The following ZNF721 variants were observed in gnomAD, a reference collection of about 807,000 sequenced individuals.
ZNF721 encodes zinc finger protein 721.
ZNF721 carries 2 observed loss-of-function variants against 2.4 expected under a neutral mutation model. The observed-to-expected ratio is 0.82, with a 90% CI of 0.34 to 2.58. The LOEUF (loss-of-function observed/expected upper bound fraction) is 2.58, where lower values mean the gene tolerates loss of function less well. Among genes scored for constraint, ZNF721 ranks in the 30% most tolerant of loss-of-function variants. The probability of loss-of-function intolerance (pLI) is 0.11; values close to 1 mark genes in which losing one functional copy is unlikely to be tolerated. For synonymous variants in ZNF721, 398 were observed against 381.8 expected (o/e 1.04, Z -0.50); for missense variants, 1,187 against 1,085.5 (o/e 1.09, Z -1.31).
At position 472,610 on chromosome 4, in the gene ZNF721, A is replaced by T; in HGVS notation, c.-2T>A. ...CAGGTTTCTGTAGTTCTCCAACATC[A>T]CATCTCTATACAAATTCTGCTGGGC... On this transcript the variant is annotated 5_prime_UTR_variant, in exon 2 of 3. Coordinates refer to ENST00000511833, the MANE Select transcript of ZNF721 (RefSeq NM_133474.4). 1 of 1,613,916 alleles carries T rather than the reference A, an allele frequency of 6.2e-7. No individual in the cohort carries two copies. The highest frequency in any genetic ancestry group is 1.1e-5 in the South Asian group (1 of 91,048).
At chr4:452,216 T>G (rs375958528) in intron 2 of ZNF721, among the ~76,000 whole-genome samples, 5 of 152,158 alleles carry the variant, frequency 3.3e-5, no homozygotes, top group Non-Finnish European at 5.9e-5. Context: ...ACTGAAGAAC[T>G]AGTCGGCTGG....
At chr4:453,435 ATC>A (rs1180115197) in intron 2 of ZNF721, 1 of 152,238 alleles carries the variant, frequency 6.6e-6, no homozygotes, top group East Asian at 1.9e-4. Context: ...ATGCTCATGC[ATC>A]TCTGTTTTCT....
At chr4:488,685 C>T (rs1419997496) in intron 1 of ZNF721, among the ~76,000 whole-genome samples, 1 of 152,040 alleles carries the variant, frequency 6.6e-6, no homozygotes, top group African/African-American at 2.4e-5. Flanking sequence ...CAAAAATTAG[C>T]TGGGTGTGGT....
chr4:442,192 C>T lies in ZNF721; in HGVS notation c.2275G>A (p.Gly759Arg). Residue 759 changes from glycine (G) to arginine (R), a missense_variant, in exon 3 of 3, where the codon GGG (glycine) becomes AGG (arginine). By Grantham distance (125) the Gly-to-Arg change is moderately radical. Transcript: ENST00000511833. ...GDKLYKCKEC[G>R]KVFKQSSHLN... ...TGTGAGGACTGTTTAAACACTTTCC[C>T]ACATTCTTTACATTTGTAGAGTTTA... 1 of 1,612,144 alleles carries T rather than the reference C, an allele frequency of 6.2e-7. No homozygotes were observed. The highest frequency in any genetic ancestry group is 1.6e-4 in the Middle Eastern group (1 of 6,062).
At chr4:486,439 G>A (rs1392643982) in intron 1 of ZNF721, among the ~76,000 whole-genome samples, 1 of 152,174 alleles carries the variant, frequency 6.6e-6, no homozygotes, top group Non-Finnish European at 1.5e-5. Context: ...TTACAGGCAT[G>A]AGCCACCGCG....
chr4:458,717 G>A (rs1553865688), intron 2 of ZNF721, among the ~76,000 whole-genome samples: 2 of 152,076 alleles, frequency 1.3e-5, no homozygotes, highest in African/African-American at 2.4e-5. Context: ...GTGGTGGCAT[G>A]TACCTGTAGT....
chr4:467,964 G>A lies in ZNF721; in HGVS notation c.34+4611C>T, dbSNP rs577231913. On this transcript the variant is annotated intron_variant, in intron 2 of 2. Transcript: ENST00000511833. Reference sequence around the variant, plus strand: ...AGCCTGGCTAACACAGTGAAACCCCGTCTCTACTAAAAATACAAAAAATTA... The same window carrying A: ...AGCCTGGCTAACACAGTGAAACCCCATCTCTACTAAAAATACAAAAAATTA... Among the ~76,000 whole-genome samples the A allele has an allele frequency of 7.9e-5, 12 of 151,766 alleles. No individual in the cohort carries two copies. In the South Asian group the frequency reaches 2.3e-3, roughly 29 times the overall value.
At chr4:483,950 T>C (rs1715832240) in intron 1 of ZNF721, among the ~76,000 whole-genome samples, 1 of 152,104 alleles carries the variant, frequency 6.6e-6, no homozygotes, top group Admixed American at 6.6e-5. Flanking sequence ...TAGCTGGGAC[T>C]CCAGGGATGT....
Position 443,163 on chromosome 4 carries a change from T to A in ZNF721, c.1304A>T (p.Tyr435Phe). ...TTTATCTCCAGTATGAATTTTCTTA[T>A]ATTCATTCAGGTTTGTGGACAATCC... ...AFGLSTNLNE[Y>F]KKIHTGDKPY... Residue 435 changes from tyrosine (Y) to phenylalanine (F), a missense_variant, in exon 3 of 3, where the codon TAT (tyrosine) becomes TTT (phenylalanine). Coordinates refer to ENST00000511833, the MANE Select transcript of ZNF721 (RefSeq NM_133474.4). The A allele has an allele frequency of 6.2e-7, 1 of 1,613,870 alleles. No homozygotes were observed. The highest frequency in any genetic ancestry group is 8.5e-7 in the Non-Finnish European group (1 of 1,179,858).
chr4:476,987 TCA>T (rs1473380003), intron 1 of ZNF721, among the ~76,000 whole-genome samples: 1 of 152,202 alleles, frequency 6.6e-6, no homozygotes, highest in Non-Finnish European at 1.5e-5. Context: ...TCATGGCATC[TCA>T]TTTTCTTGGG....
intron 1 of ZNF721, among the ~76,000 whole-genome samples, chr4:486,445 C>T (rs550206630): frequency 6.6e-6 from 1 of 152,176 alleles, no homozygotes; most frequent in Non-Finnish European, 1.5e-5. Context: ...GCATGAGCCA[C>T]CGCGCCCGGC....
In ZNF721 at chr4:447,517, C is replaced by CA. The variant is rs542312259; in HGVS notation, c.35-3086dup. Among the ~76,000 whole-genome samples, 1,108 of 151,696 alleles carry CA rather than the reference C, an allele frequency of 7.3e-3. 17 individuals are homozygous for CA. The highest frequency in any genetic ancestry group is 0.024 in the African/African-American group (1,008 of 41,388). ...AAGGGGCAAAAATGAAATAATCCAG[C>CA]AAAAAAATCAATAAAACGTGTAAGT... On this transcript the variant is annotated intron_variant, in intron 2 of 2. Coordinates refer to ENST00000511833, the MANE Select transcript of ZNF721 (RefSeq NM_133474.4).
At chr4:482,982 T>C (rs1553869761) in intron 1 of ZNF721, among the ~76,000 whole-genome samples, 1 of 152,236 alleles carries the variant, frequency 6.6e-6, no homozygotes, top group Non-Finnish European at 1.5e-5. Flanking sequence ...GTAGTAATTC[T>C]GTAATTGAAA....
rs1553863861 is a variant in ZNF721, at chr4:444,145, G to C, written c.322C>G (p.His108Asp). ...KDKTRHTGEK[H>D]FKCNECGKSF... Reference sequence around the variant, plus strand: ...TTGCCACATTCGTTACATTTAAAGTGTTTCTCTCCAGTATGTCTTGTCTTA... The same window carrying C: ...TTGCCACATTCGTTACATTTAAAGTCTTTCTCTCCAGTATGTCTTGTCTTA... Residue 108 changes from histidine (H) to aspartate (D), a missense_variant, in exon 3 of 3, where the codon CAC becomes GAC. His to Asp is a moderately conservative substitution (Grantham distance 81). Coordinates refer to ENST00000511833, the MANE Select transcript of ZNF721 (RefSeq NM_133474.4). The C allele has an allele frequency of 1.9e-6, 3 of 1,614,130 alleles. No homozygotes were observed. The highest frequency in any genetic ancestry group is 2.2e-5 in the East Asian group (1 of 44,876).
intron 2 of ZNF721, among the ~76,000 whole-genome samples, chr4:460,679 CAACAA>C (rs1314484609): frequency 6.9e-6 from 1 of 145,786 alleles, no homozygotes. Context: ...TTGAAAAGAT[CAACAA>C]AATAGATAGA....
At chr4:481,776 A>G (rs948211512) in intron 1 of ZNF721, among the ~76,000 whole-genome samples, 4 of 152,196 alleles carry the variant, frequency 2.6e-5, no homozygotes, top group Non-Finnish European at 4.4e-5. Flanking sequence ...AGTTGAACAC[A>G]GCGTCCACCT....
intron 1 of ZNF721, among the ~76,000 whole-genome samples, chr4:473,163 C>T (rs983082686): frequency 6.6e-6 from 1 of 152,146 alleles, no homozygotes; most frequent in Non-Finnish European, 1.5e-5. Flanking sequence ...TAGCTAAGCA[C>T]TGTCTCTCAA....
chr4:446,681 G>A (rs568271220), intron 2 of ZNF721, among the ~76,000 whole-genome samples: 71 of 150,766 alleles, frequency 4.7e-4, no homozygotes, highest in African/African-American at 1.7e-3. Context: ...ACCCAACCCC[G>A]AATTTTCTTT....
chr4:491,388 A>G (rs1283371111), intron 1 of ZNF721, among the ~76,000 whole-genome samples: 6 of 152,246 alleles, frequency 3.9e-5, no homozygotes, highest in African/African-American at 1.4e-4. Flanking sequence ...ATTGCACTCC[A>G]GCCTGGGCAA....
Sources: gnomAD v4.1 joint callset for allele counts (sites outside exome capture counted in the v4.1 genomes callset) on GRCh38, gnomAD v4.1.1 for gene constraint, MANE v1.5 for transcripts, NCBI Gene and HGNC (gene_info 2026-07-23, HGNC 2026-07-21) for gene names.